The following INPP4B variants were observed in gnomAD, a reference collection of about 807,000 sequenced individuals.
The protein encoded by INPP4B is inositol polyphosphate 4-phosphatase type II.
A neutral mutation model predicts 122.5 loss-of-function variants in INPP4B; 55 were observed. That is an observed-to-expected ratio of 0.45 (90% CI 0.36 to 0.56). The LOEUF is 0.56. Ranked by LOEUF, INPP4B falls within the 20% of genes least tolerant of loss-of-function variation. INPP4B has a pLI of 0.00. For synonymous variants in INPP4B, 403 were observed against 388.7 expected (o/e 1.04, Z -0.43); for missense variants, 1,000 against 1,097.7 (o/e 0.91, Z 1.26).
intron 15 of INPP4B, among the ~76,000 whole-genome samples, chr4:142,174,893 A>G (rs1481868988): frequency 6.6e-6 from 1 of 152,058 alleles, no homozygotes; most frequent in African/African-American, 2.4e-5. Context: ...AGCCTCCCAA[A>G]GTGCTGGGAT....
chr4:142,778,963 C>G (rs2151021060), intron 1 of INPP4B, among the ~76,000 whole-genome samples: 1 of 152,202 alleles, frequency 6.6e-6, no homozygotes, highest in East Asian at 1.9e-4. Context: ...AGCATTTATA[C>G]TTGTCCCTCC....
intron 3 of INPP4B, among the ~76,000 whole-genome samples, chr4:142,443,679 G>A (rs1199492041): frequency 1.3e-5 from 2 of 152,036 alleles, no homozygotes; most frequent in African/African-American, 4.8e-5. Context: ...CACCAGAGGG[G>A]GCATGCAAGC....
intron 9 of INPP4B, among the ~76,000 whole-genome samples, chr4:142,298,083 T>G (rs1376544821): frequency 2.0e-5 from 3 of 152,022 alleles, no homozygotes; most frequent in African/African-American, 7.2e-5. Flanking sequence ...CTACCTCACA[T>G]GCCTTCCTAA....
intron 5 of INPP4B, among the ~76,000 whole-genome samples, chr4:142,415,630 T>C (rs1805557946): frequency 6.6e-6 from 1 of 152,060 alleles, no homozygotes; most frequent in South Asian, 2.1e-4. Flanking sequence ...AAATACCATT[T>C]GACCCAGCAA....
intron 2 of INPP4B, among the ~76,000 whole-genome samples, chr4:142,555,070 A>G (rs1027696029): frequency 6.6e-6 from 1 of 152,338 alleles, no homozygotes; most frequent in Admixed American, 6.5e-5. Context: ...GTAGCTGAGG[A>G]GAATCCAACA....
At position 142,304,612 on chromosome 4, in the gene INPP4B, G is replaced by A. The variant is rs142533376; in HGVS notation, c.503+846C>T. On this transcript the variant is annotated intron_variant, in intron 9 of 25. Transcript: ENST00000262992. ...TATAAGTGGGTCCTTGGCGGAAGGG[G>A]ACAAACAAACTTAAGACATTGTCCA... is the stretch of plus-strand genomic sequence containing the variant. Among the ~76,000 whole-genome samples the A allele has an allele frequency of 9.9e-5, 15 of 152,158 alleles. No homozygotes were observed. The East Asian group carries it at 2.1e-3, about 22-fold the overall frequency.
intron 14 of INPP4B, among the ~76,000 whole-genome samples, chr4:142,206,961 C>T (rs1842835147): frequency 6.6e-6 from 1 of 151,906 alleles, no homozygotes; most frequent in South Asian, 2.1e-4. Context: ...CTTTTTTCAA[C>T]CTCCCGAAGC....
intron 3 of INPP4B, among the ~76,000 whole-genome samples, chr4:142,451,927 C>A (rs1174629660): frequency 6.6e-6 from 1 of 152,010 alleles, no homozygotes; most frequent in Non-Finnish European, 1.5e-5. Context: ...GACAAGGCAC[C>A]CTTTTTTGGG....
At position 142,398,650 on chromosome 4, in the gene INPP4B, T is replaced by G. The variant is rs138371772; in HGVS notation, c.372+4288A>C. Among the ~76,000 whole-genome samples, 1,111 of 151,600 alleles carry G rather than the reference T, an allele frequency of 7.3e-3. 12 individuals carry two copies. The highest frequency in any genetic ancestry group is 0.026 in the African/African-American group (1,061 of 41,354). On this transcript the variant is annotated intron_variant, in intron 7 of 25. Coordinates refer to ENST00000262992, the MANE Select transcript of INPP4B (RefSeq NM_001101669.3). ...AAAATAAATTAAATGCAAAACATTA[T>G]CTTACACAGAAAAACATAAAAAATG... is the stretch of plus-strand genomic sequence containing the variant.
chr4:142,628,557 T>TAAAAAA (rs35955830), intron 2 of INPP4B, among the ~76,000 whole-genome samples: 45 of 99,846 alleles, frequency 4.5e-4, no homozygotes, highest in African/African-American at 9.1e-4. Flanking sequence ...AAACTTAAAG[T>TAAAAAA]AAAAAAAAAA....
chr4:142,076,317 A>T (rs1443993623), intron 25 of INPP4B, among the ~76,000 whole-genome samples: 1 of 152,040 alleles, frequency 6.6e-6, no homozygotes, highest in Non-Finnish European at 1.5e-5. Context: ...TCCCAGAAAG[A>T]TCAGTTCTCT....
chr4:142,577,602 C>T (rs747605072), intron 2 of INPP4B, among the ~76,000 whole-genome samples: 50 of 151,938 alleles, frequency 3.3e-4, no homozygotes, highest in Admixed American at 2.7e-3. Context: ...AAAGTCCCAG[C>T]CTTATCATTT....
chr4:142,533,166 A>G (rs567064527), intron 2 of INPP4B, among the ~76,000 whole-genome samples: 1 of 152,316 alleles, frequency 6.6e-6, no homozygotes, highest in South Asian at 2.1e-4. Flanking sequence ...AAAATATACT[A>G]TAAATATATC....
chr4:142,435,474 T>C (rs1399848695), intron 3 of INPP4B, among the ~76,000 whole-genome samples: 1 of 9,138 alleles, frequency 1.1e-4, no homozygotes, highest in Admixed American at 1.7e-3. Flanking sequence ...AGGAATTTAT[T>C]TGGGGGAGGG....
At chr4:142,691,811 G>A (rs563069421) in intron 2 of INPP4B, among the ~76,000 whole-genome samples, 5 of 150,654 alleles carry the variant, frequency 3.3e-5, no homozygotes, top group African/African-American at 7.5e-5. Context: ...TCAAAAACGT[G>A]GGGGGGACAA....
At chr4:142,311,901 A>G (rs1281645572) in intron 8 of INPP4B, among the ~76,000 whole-genome samples, 5 of 152,208 alleles carry the variant, frequency 3.3e-5, no homozygotes, top group Non-Finnish European at 7.3e-5. Flanking sequence ...CTAAGAAAGA[A>G]GGACCAGGAA....
intron 2 of INPP4B, among the ~76,000 whole-genome samples, chr4:142,648,016 T>C (rs1752163824): frequency 6.6e-6 from 1 of 152,196 alleles, no homozygotes; most frequent in Admixed American, 6.5e-5. Context: ...ACTCTAAACT[T>C]CCAAATGACA....
At chr4:142,518,721 A>C (rs1328847275) in intron 2 of INPP4B, 1 of 152,176 alleles carries the variant, frequency 6.6e-6, no homozygotes, top group African/African-American at 2.4e-5. Flanking sequence ...GTTGCAATGT[A>C]AAAAAGACAC....
chr4:142,700,147 T>A (rs1417641296), intron 2 of INPP4B, among the ~76,000 whole-genome samples: 1 of 152,038 alleles, frequency 6.6e-6, no homozygotes, highest in East Asian at 1.9e-4. Context: ...CAATCAAGCT[T>A]TGGGACTCAT....
Sources: gnomAD v4.1 joint callset for allele counts (sites outside exome capture counted in the v4.1 genomes callset) on GRCh38, gnomAD v4.1.1 for gene constraint, MANE v1.5 for transcripts, NCBI Gene and HGNC (gene_info 2026-07-23, HGNC 2026-07-21) for gene names.